EXTL3: variants seen among roughly 807,000 people sequenced by gnomAD.
EXTL3 encodes exostosin like glycosyltransferase 3, also known as exostosin-like 3.
A neutral mutation model predicts 69.3 loss-of-function variants in EXTL3; 27 were observed. That is an observed-to-expected ratio of 0.39 (90% CI 0.29 to 0.54). The LOEUF (loss-of-function observed/expected upper bound fraction) is 0.54, where lower values mean the gene tolerates loss of function less well. Ranked by LOEUF, EXTL3 falls within the 20% of genes least tolerant of loss-of-function variation. The probability of loss-of-function intolerance (pLI) is 0.69; values close to 1 mark genes in which losing one functional copy is unlikely to be tolerated. For missense variants in EXTL3, 1,003 were observed against 1,231.8 expected (o/e 0.81, Z 2.78); for synonymous variants, 511 against 499.4 (o/e 1.02, Z -0.31).
chr8:28,720,139 G>C (rs1801264846), intron 3 of EXTL3, among the ~76,000 whole-genome samples: 2 of 151,852 alleles, frequency 1.3e-5, no homozygotes, highest in Admixed American at 6.6e-5. Flanking sequence ...CGGGTGTTCT[G>C]GGGAACAGTT....
intron 1 of EXTL3, chr8:28,685,811 TTATG>T: frequency 6.6e-6 from 1 of 151,924 alleles, no homozygotes; most frequent in East Asian, 1.9e-4. Context: ...TATATGTATA[TTATG>T]TATGTGTGTG....
intron 1 of EXTL3, among the ~76,000 whole-genome samples, chr8:28,684,246 C>A (rs1453690299): frequency 1.3e-5 from 2 of 152,252 alleles, no homozygotes; most frequent in Middle Eastern, 3.4e-3. Flanking sequence ...CATGGGAGTG[C>A]AGCTACCTTT....
chr8:28,647,888 GA>G (rs1376803280), intron 1 of EXTL3, among the ~76,000 whole-genome samples: 1 of 147,060 alleles, frequency 6.8e-6, no homozygotes, highest in Non-Finnish European at 1.5e-5. Flanking sequence ...GTCTCAATTA[GA>G]AGGAGAAGTC....
At chr8:28,755,813 C>T (rs531992456), downstream of EXTL3, among the ~76,000 whole-genome samples, 147 of 152,240 alleles carry the variant, frequency 9.7e-4, no homozygotes, top group Non-Finnish European at 1.8e-3. Flanking sequence ...ATTGAAACTA[C>T]TTACATTCTA....
intron 2 of EXTL3, among the ~76,000 whole-genome samples, chr8:28,609,481 T>C (rs908367604): frequency 1.3e-5 from 2 of 151,680 alleles, no homozygotes; most frequent in Admixed American, 6.6e-5. Flanking sequence ...TTGATTTAAG[T>C]AACTGAGTGG....
At chr8:28,711,601 C>T (rs1001252808) in intron 1 of EXTL3, among the ~76,000 whole-genome samples, 3 of 152,190 alleles carry the variant, frequency 2.0e-5, no homozygotes, top group Non-Finnish European at 4.4e-5. Flanking sequence ...GGCTGAGCTG[C>T]ATCCTGAGCC....
chr8:28,663,820 T>C (rs1331550611), intron 1 of EXTL3, among the ~76,000 whole-genome samples: 2 of 152,088 alleles, frequency 1.3e-5, no homozygotes, highest in African/African-American at 4.8e-5. Context: ...AAACCTCCCC[T>C]CAGCAAGACA....
intron 2 of EXTL3, among the ~76,000 whole-genome samples, chr8:28,612,603 C>T (rs1469482074): frequency 6.6e-6 from 1 of 152,002 alleles, no homozygotes; most frequent in Non-Finnish European, 1.5e-5. Context: ...TATAAAAAGC[C>T]CCAGGGTGAA....
intron 1 of EXTL3, among the ~76,000 whole-genome samples, chr8:28,689,843 T>A (rs781251988): frequency 2.0e-5 from 3 of 152,228 alleles, no homozygotes; most frequent in African/African-American, 4.8e-5. Context: ...TTGAGTCCCT[T>A]GCTAGAGATG....
In EXTL3 at chr8:28,743,286, C is replaced by T. The variant is rs758692819; in HGVS notation, c.2550+72C>T. 1.9e-4 allele frequency: 281 copies of T among 1,506,318 alleles called. 1 individual carries two copies. The East Asian group carries it at 2.2e-3, about 12-fold the overall frequency. 93.3% of individuals were successfully genotyped at this position (1,506,318 alleles called of 1,614,324 possible). A position where few individuals can be genotyped will look rare whatever the true frequency, so the allele number is the denominator to read the frequency against. On this transcript the variant is annotated intron_variant, in intron 6 of 6. Coordinates refer to ENST00000220562, the MANE Select transcript of EXTL3 (RefSeq NM_001440.4). Reference sequence around the variant, plus strand: ...TCACTTGTTTTGCAGTAGTGCAGCACGTAACTGCACTGTACCTCAGAGTCC... The same window carrying T: ...TCACTTGTTTTGCAGTAGTGCAGCATGTAACTGCACTGTACCTCAGAGTCC...
chr8:28,657,650 C>T (rs923983761), intron 1 of EXTL3, among the ~76,000 whole-genome samples: 1 of 151,828 alleles, frequency 6.6e-6, no homozygotes, highest in Non-Finnish European at 1.5e-5. Context: ...ACATTGTACA[C>T]TCTATTTTTT....
At chr8:28,678,884 C>T (rs1433552105) in intron 1 of EXTL3, among the ~76,000 whole-genome samples, 2 of 152,170 alleles carry the variant, frequency 1.3e-5, no homozygotes, top group Admixed American at 6.5e-5. Flanking sequence ...GATGGGCTGC[C>T]CTCCTGCACT....
chr8:28,712,413 G>A (rs1801048957), intron 1 of EXTL3, among the ~76,000 whole-genome samples: 1 of 152,030 alleles, frequency 6.6e-6, no homozygotes, highest in Non-Finnish European at 1.5e-5. Flanking sequence ...TGCTGTGTAT[G>A]GAGTGCATTG....
At chr8:28,635,264 C>T (rs562627774) in intron 1 of EXTL3, among the ~76,000 whole-genome samples, 3 of 151,758 alleles carry the variant, frequency 2.0e-5, no homozygotes, top group Admixed American at 2.0e-4. Context: ...CTATAAAAGA[C>T]AGAAAACACT....
chr8:28,624,487 T>C (rs1806461869), intron 1 of EXTL3, among the ~76,000 whole-genome samples: 1 of 152,166 alleles, frequency 6.6e-6, no homozygotes, highest in Non-Finnish European at 1.5e-5. Flanking sequence ...CACTTGATCC[T>C]GGGAGGCAGA....
At chr8:28,709,840 G>C (rs933978812) in intron 1 of EXTL3, among the ~76,000 whole-genome samples, 2 of 152,158 alleles carry the variant, frequency 1.3e-5, no homozygotes, top group African/African-American at 4.8e-5. Flanking sequence ...AGGTGGAGGG[G>C]CGAGAAGGTG....
chr8:28,712,428 GGCAGGAATGGAGGCCA>G (rs1293648176), intron 1 of EXTL3, among the ~76,000 whole-genome samples: 1 of 152,140 alleles, frequency 6.6e-6, no homozygotes, highest in Non-Finnish European at 1.5e-5. Flanking sequence ...GCATTGTAGG[GGCAGGAATGGAGGCCA>G]GCTGGCAAGT....
chr8:28,713,393 T>G (rs574121435), intron 1 of EXTL3, 64 bp from the exon 2 acceptor site: 1 of 647,746 alleles, frequency 1.5e-6, no homozygotes, highest in East Asian at 2.7e-5. Flanking sequence ...CTTTCAGTAT[T>G]GAGTATTTTT....
intron 6 of EXTL3, among the ~76,000 whole-genome samples, chr8:28,747,757 C>G (rs1200586378): frequency 2.1e-5 from 3 of 143,152 alleles, no homozygotes; most frequent in African/African-American, 8.0e-5. Flanking sequence ...GAGATGGAGC[C>G]TCGCTCTGTC....
Sources: allele counts gnomAD v4.1 joint callset (sites outside exome capture counted in the v4.1 genomes callset), GRCh38; gene constraint gnomAD v4.1.1; transcripts MANE v1.5; gene names NCBI Gene and HGNC (gene_info 2026-07-23, HGNC 2026-07-21).